Variants in LHPP observed in about 807,000 individuals in gnomAD.
LHPP encodes the protein phospholysine phosphohistidine inorganic pyrophosphate phosphatase.
LHPP carries 24 observed loss-of-function variants against 30.3 expected under a neutral mutation model. The ratio of observed to expected loss-of-function variants is 0.79; its 90% CI spans 0.57 to 1.11. The LOEUF (loss-of-function observed/expected upper bound fraction) is 1.11. Ranked by LOEUF, LHPP falls within the 50% of genes most tolerant of loss-of-function variation. The pLI, the probability that LHPP is intolerant of heterozygous loss-of-function variation, is 0.00. For synonymous variants in LHPP, 150 were observed against 157.1 expected (o/e 0.95, Z 0.34); for missense variants, 356 against 367.2 (o/e 0.97, Z 0.25).
intron 6 of LHPP, among the ~76,000 whole-genome samples, chr10:124,522,722 C>CA (rs1954637914): frequency 8.1e-6 from 1 of 123,308 alleles, no homozygotes; most frequent in African/African-American, 3.1e-5. Context: ...CTGCTGCCCA[C>CA]GCCCCCCCCC....
At chr10:124,581,756 C>T (rs113895995) in intron 6 of LHPP, among the ~76,000 whole-genome samples, 7,232 of 105,302 alleles carry the variant, frequency 0.069, 523 homozygotes, top group African/African-American at 0.25. Context: ...TTAATACATA[C>T]ATATATGTAT....
intron 6 of LHPP, among the ~76,000 whole-genome samples, chr10:124,600,581 G>A (rs959759300): frequency 9.2e-5 from 14 of 152,246 alleles, no homozygotes; most frequent in African/African-American, 2.7e-4. Context: ...GGGGTCTCAC[G>A]CAGTGGGGCC....
intron 6 of LHPP, among the ~76,000 whole-genome samples, chr10:124,535,573 A>T (rs1309030663): frequency 2.0e-5 from 3 of 146,728 alleles, no homozygotes; most frequent in East Asian, 2.0e-4. Flanking sequence ...TTAAAAAAAC[A>T]TTTTTTTTTT....
intron 2 of LHPP, among the ~76,000 whole-genome samples, chr10:124,486,927 G>A (rs746757589): frequency 2.6e-5 from 4 of 152,238 alleles, no homozygotes. Flanking sequence ...CTGAAGACAG[G>A]CCTTTTTTGG....
At chr10:124,499,118 T>G (rs2133877450) in intron 5 of LHPP, among the ~76,000 whole-genome samples, 1 of 151,792 alleles carries the variant, frequency 6.6e-6, no homozygotes, top group South Asian at 2.1e-4. Flanking sequence ...GACCTCAGGT[T>G]ATCTGCCCGC....
chr10:124,606,659 G>A (rs1479735478), intron 6 of LHPP, among the ~76,000 whole-genome samples: 1 of 152,252 alleles, frequency 6.6e-6, no homozygotes, highest in Admixed American at 6.5e-5. Context: ...TGAAGAGACC[G>A]GCCCTGGGCC....
intron 5 of LHPP, among the ~76,000 whole-genome samples, chr10:124,511,050 C>A (rs1209183910): frequency 6.6e-6 from 1 of 152,202 alleles, no homozygotes. Flanking sequence ...GTTTGATAGA[C>A]TCGAAAACCT....
intron 6 of LHPP, among the ~76,000 whole-genome samples, chr10:124,550,085 G>A (rs1955443683): frequency 6.6e-6 from 1 of 152,212 alleles, no homozygotes; most frequent in Non-Finnish European, 1.5e-5. Context: ...GAGAACTAAG[G>A]GCCTCCGAGC....
At chr10:124,572,854 C>T (rs1948608159) in intron 6 of LHPP, among the ~76,000 whole-genome samples, 1 of 152,206 alleles carries the variant, frequency 6.6e-6, no homozygotes, top group South Asian at 2.1e-4. Context: ...CCATCCAGCT[C>T]AGTCCTGTGG....
intron 6 of LHPP, among the ~76,000 whole-genome samples, chr10:124,518,793 G>T (rs1424328356): frequency 6.6e-6 from 1 of 152,222 alleles, no homozygotes; most frequent in Non-Finnish European, 1.5e-5. Flanking sequence ...CACGAATGCA[G>T]GTGGGCACGA....
At chr10:124,518,927 A>G (rs1002046563) in intron 6 of LHPP, among the ~76,000 whole-genome samples, 2 of 152,100 alleles carry the variant, frequency 1.3e-5, no homozygotes, top group African/African-American at 4.8e-5. Context: ...GGAGAGAGAG[A>G]AACTCTGTTT....
At chr10:124,585,593 C>T (rs564683938) in intron 6 of LHPP, among the ~76,000 whole-genome samples, 68 of 148,282 alleles carry the variant, frequency 4.6e-4, no homozygotes, top group Middle Eastern at 3.5e-3. Flanking sequence ...CCAGTCTGGG[C>T]GACAGAACGA....
rs74326926 is a variant in LHPP at position 124,526,076 on chromosome 10, G to A, written c.716+8805G>A. ...CCTCTTGGGAACGTGCAGGTCCCTC[G>A]AGGGTCCTGGAAGGCGCTGGAGTGG... On this transcript the variant is annotated intron_variant, in intron 6 of 6. Transcript: ENST00000368842. The A allele has an allele frequency of 1.2e-3, 807 of 653,658 alleles. 5 individuals carry two copies. In the African/African-American group the frequency reaches 0.013, roughly 11 times the overall value. 40.5% of individuals were successfully genotyped at this position (653,658 alleles called of 1,614,324 possible).
At chr10:124,529,807 ACACACG>A (rs894030754) in intron 6 of LHPP, among the ~76,000 whole-genome samples, 3 of 127,218 alleles carry the variant, frequency 2.4e-5, no homozygotes, top group African/African-American at 7.6e-5. Context: ...ACACACACAC[ACACACG>A]CACACACACA....
chr10:124,566,089 C>T (rs947156891), intron 6 of LHPP, among the ~76,000 whole-genome samples: 1 of 152,244 alleles, frequency 6.6e-6, no homozygotes, highest in African/African-American at 2.4e-5. Flanking sequence ...CATGCCACTC[C>T]GGCGGCAGCA....
chr10:124,598,040 C>T (rs1000275359), intron 6 of LHPP, among the ~76,000 whole-genome samples: 5 of 152,118 alleles, frequency 3.3e-5, no homozygotes, highest in Non-Finnish European at 7.4e-5. Flanking sequence ...TATCCAAGTG[C>T]ATGGCAGTGA....
intron 1 of LHPP, among the ~76,000 whole-genome samples, chr10:124,477,970 C>A (rs1228186139): frequency 6.6e-6 from 1 of 152,122 alleles, no homozygotes; most frequent in East Asian, 1.9e-4. Context: ...TGGGGTGACT[C>A]CTCTGTTGGT....
At chr10:124,597,641 G>A (rs1948964447) in intron 6 of LHPP, among the ~76,000 whole-genome samples, 1 of 152,160 alleles carries the variant, frequency 6.6e-6, no homozygotes, top group Non-Finnish European at 1.5e-5. Flanking sequence ...GCTAGACATG[G>A]GGCCTCCCTG....
At position 124,604,922 on chromosome 10, in the gene LHPP, G is replaced by A. The variant is rs780593496; in HGVS notation, c.717-8342G>A. Among the ~76,000 whole-genome samples, 27 of 152,352 alleles carry A rather than the reference G, an allele frequency of 1.8e-4. 1 individual carries two copies. The highest frequency in any genetic ancestry group is 3.4e-3 in the Middle Eastern group (1 of 294). The stretch of plus-strand genomic sequence containing the variant: ...GCCCCTGCAGGGTAGAGAGGAGGCG[G>A]GTGGGCCACCGACTGGGAGTCCCGG... On this transcript the variant is annotated intron_variant, in intron 6 of 6. Transcript: ENST00000368842.
Sources: gnomAD v4.1 joint callset for allele counts (sites outside exome capture counted in the v4.1 genomes callset) on GRCh38, gnomAD v4.1.1 for gene constraint, MANE v1.5 for transcripts, NCBI Gene and HGNC (gene_info 2026-07-23, HGNC 2026-07-21) for gene names.